Variants in PRSS35 observed in about 807,000 individuals in gnomAD.
The protein encoded by PRSS35 is serine protease 35, also known as inactive serine protease 35.
In PRSS35, 7 loss-of-function variants were observed where a neutral mutation model predicts 8.1. The ratio of observed to expected loss-of-function variants is 0.86; its 90% CI spans 0.49 to 1.62. The LOEUF (loss-of-function observed/expected upper bound fraction) is 1.62, where lower values mean the gene tolerates loss of function less well. Among genes scored for constraint, PRSS35 ranks in the 40% most tolerant of loss-of-function variants. PRSS35 has a pLI of 0.00. For missense variants in PRSS35, 566 were observed against 518.0 expected (o/e 1.09, Z -0.90); for synonymous variants, 199 against 188.7 (o/e 1.05, Z -0.45).
intron 1 of PRSS35, among the ~76,000 whole-genome samples, chr6:83,512,988 A>G (rs1289886143): frequency 6.6e-6 from 1 of 152,194 alleles, no homozygotes; most frequent in African/African-American, 2.4e-5. Flanking sequence ...TTGTTAACAG[A>G]TGCCATTGAG....
In PRSS35 at chr6:83,517,964, A is replaced by G. The variant is rs557975476; in HGVS notation, c.-21+5270A>G. Among the ~76,000 whole-genome samples, 36 of 152,340 alleles carry G rather than the reference A, an allele frequency of 2.4e-4. No homozygotes were observed. The South Asian group carries it at 7.5e-3, about 32-fold the overall frequency. On this transcript the variant is annotated intron_variant, in intron 1 of 1. Transcript: ENST00000369700. ...AAGTTGTGTCCCATGGCAACATGCT[A>G]TGTACATAAATATGGACAAGTACCT... is the stretch of plus-strand genomic sequence containing the variant.
Position 83,523,502 on chromosome 6 carries a change from T to A in PRSS35, c.61T>A (p.Ser21Thr), listed in dbSNP as rs766481718. 2 of 1,614,178 alleles carry A rather than the reference T, an allele frequency of 1.2e-6. No homozygotes were observed. Among genetic ancestry groups the A allele is most frequent in the South Asian group, 2.2e-5 (2 of 91,080 alleles). The change falls in exon 2 of 2, where the codon TCT (serine) becomes ACT (threonine). Residue 21 changes from serine to threonine, a missense_variant. By Grantham distance (58) the Ser-to-Thr change is moderately conservative (BLOSUM62 1). Transcript: ENST00000369700. ...FTPGWTLIDGSEMEWDFMWHL... is the reference protein window; with the variant it reads ...FTPGWTLIDGTEMEWDFMWHL... ...CCCTGGGTGGACCCTCATTGATGGATCTGAAATGGAATGGGATTTTATGTG... is the reference window on the plus strand; with the variant it reads ...CCCTGGGTGGACCCTCATTGATGGAACTGAAATGGAATGGGATTTTATGTG...
chr6:83,519,358 A>G (rs1771777949), intron 1 of PRSS35, among the ~76,000 whole-genome samples: 1 of 152,344 alleles, frequency 6.6e-6, no homozygotes, highest in Admixed American at 6.5e-5. Flanking sequence ...TGAAGCCCCA[A>G]ATGCAAGCCA....
intron 1 of PRSS35, among the ~76,000 whole-genome samples, chr6:83,513,659 T>G (rs1320173406): frequency 6.6e-6 from 1 of 152,240 alleles, no homozygotes; most frequent in Admixed American, 6.5e-5. Context: ...AATTTTATTT[T>G]TATTAGGAAA....
chr6:83,521,441 A>T (rs1432147279), intron 1 of PRSS35, among the ~76,000 whole-genome samples: 3 of 151,910 alleles, frequency 2.0e-5, no homozygotes, highest in Admixed American at 6.6e-5. Context: ...GACTATTAGA[A>T]AATATTGTGA....
At chr6:83,516,527 G>A (rs939400246) in intron 1 of PRSS35, among the ~76,000 whole-genome samples, 1 of 138,300 alleles carries the variant, frequency 7.2e-6, no homozygotes, top group Non-Finnish European at 1.5e-5. Context: ...AGTGAGCCGA[G>A]ATCACGCCAT....
Position 83,524,040 on chromosome 6 carries a change from G to T in PRSS35, c.599G>T (p.Arg200Leu), listed in dbSNP as rs772000403. 1 of 1,614,146 alleles carries T rather than the reference G, an allele frequency of 6.2e-7. No individual in the cohort carries two copies. The highest frequency in any genetic ancestry group is 8.5e-7 in the Non-Finnish European group (1 of 1,180,024). ...KMRNKSGGKK[R>L]RGSKRSRREA... ...AGGAATAAAAGTGGAGGCAAGAAAC[G>T]TCGAGGTTCTAAGAGGAGCAGGAGA... is the stretch of plus-strand genomic sequence containing the variant. Residue 200 changes from arginine (R) to leucine (L), a missense_variant, in exon 2 of 2, where the codon CGT becomes CTT. Coordinates refer to ENST00000369700, the MANE Select transcript of PRSS35 (RefSeq NM_153362.3).
intron 1 of PRSS35, among the ~76,000 whole-genome samples, chr6:83,522,788 G>T (rs1483835093): frequency 1.3e-5 from 2 of 151,834 alleles, no homozygotes; most frequent in Admixed American, 6.6e-5. Context: ...ATCAATAGAA[G>T]ATTAATTAGC....
At chr6:83,516,221 C>T (rs1398927576) in intron 1 of PRSS35, among the ~76,000 whole-genome samples, 3 of 152,084 alleles carry the variant, frequency 2.0e-5, no homozygotes, top group Admixed American at 6.5e-5. Context: ...AACAAATTAC[C>T]GAAAACTCAG....
intron 1 of PRSS35, among the ~76,000 whole-genome samples, chr6:83,517,440 C>T (rs1771744290): frequency 6.6e-6 from 1 of 152,218 alleles, no homozygotes; most frequent in Non-Finnish European, 1.5e-5. Context: ...TACCCCCTCT[C>T]CTCAGCATCT....
chr6:83,520,581 C>T (rs1319207916), intron 1 of PRSS35, among the ~76,000 whole-genome samples: 1 of 152,124 alleles, frequency 6.6e-6, no homozygotes, highest in African/African-American at 2.4e-5. Context: ...AACGTGAACA[C>T]AGAGAAGGAA....
intron 1 of PRSS35, among the ~76,000 whole-genome samples, chr6:83,519,195 C>T (rs935480653): frequency 2.0e-5 from 3 of 152,178 alleles, no homozygotes; most frequent in Admixed American, 2.0e-4. Context: ...AGTAAGAGTT[C>T]ATCTACATAC....
chr6:83,523,355 G>A lies in PRSS35; in HGVS notation c.-20-67G>A, dbSNP rs1771857105. 5 of 1,240,306 alleles carry A rather than the reference G, an allele frequency of 4.0e-6. No individual in the cohort carries two copies. The Admixed American group carries it at 1.1e-4, about 28-fold the overall frequency. The allele number at this position is 1,240,306 out of a possible 1,614,324, so 76.8% of individuals were successfully genotyped here. On this transcript the variant is annotated intron_variant, in intron 1 of 1. Transcript: ENST00000369700. The stretch of plus-strand genomic sequence containing the variant: ...AAGGTACATTTAGGATCCAAGGGCT[G>A]AATGAAATGGATAAGTAAGATTTAA...
intron 1 of PRSS35, among the ~76,000 whole-genome samples, chr6:83,518,563 TC>T (rs149095266): frequency 0.014 from 2,102 of 152,298 alleles, 45 homozygotes; most frequent in African/African-American, 0.048. Context: ...AGGAAAGCAT[TC>T]ATTTGGGAAG....
chr6:83,514,857 C>T (rs1012229291), intron 1 of PRSS35, among the ~76,000 whole-genome samples: 1 of 152,146 alleles, frequency 6.6e-6, no homozygotes, highest in Non-Finnish European at 1.5e-5. Context: ...GCTCTGTGGC[C>T]TGTAGGTAGG....
At chr6:83,515,913 C>T (rs1271689949) in intron 1 of PRSS35, among the ~76,000 whole-genome samples, 1 of 152,080 alleles carries the variant, frequency 6.6e-6, no homozygotes, top group East Asian at 1.9e-4. Context: ...CCTCCCGGTT[C>T]AGGGGATTCT....
chr6:83,516,575 CA>C (rs70987760), intron 1 of PRSS35, among the ~76,000 whole-genome samples: 40,154 of 101,726 alleles, frequency 0.39, 5,771 homozygotes, highest in South Asian at 0.5. Flanking sequence ...GACTGCGTCT[CA>C]AAAAAAAAAA....
In PRSS35 at chr6:83,515,449, T is replaced by C. The variant is rs573240083; in HGVS notation, c.-21+2755T>C. 3.4e-4 allele frequency among the ~76,000 whole-genome samples: 52 copies of C among 152,326 alleles called. 2 individuals carry two copies. In the South Asian group the frequency reaches 1.0e-2, roughly 29 times the overall value. ...GTATATTATTTCTTAAAATAACACA[T>C]TTTCATTTATATTTTAAGTCCCAGA... On this transcript the variant is annotated intron_variant, in intron 1 of 1. Transcript: ENST00000369700.
At position 83,524,715 on chromosome 6, in the gene PRSS35, A is replaced by G; in HGVS notation, c.*32A>G. The G allele has an allele frequency of 3.8e-6, 6 of 1,559,804 alleles. No individual in the cohort carries two copies. The Admixed American group carries it at 7.6e-5, about 20-fold the overall frequency. On this transcript the variant is annotated 3_prime_UTR_variant, in exon 2 of 2. Transcript: ENST00000369700. ...CCTGAAACAGGGCGGTGTATCATCT[A>G]AATCACAGAGAAAACCAGCTCTGCT...
Sources: allele counts gnomAD v4.1 joint callset (sites outside exome capture counted in the v4.1 genomes callset), GRCh38; gene constraint gnomAD v4.1.1; transcripts MANE v1.5; gene names NCBI Gene and HGNC (gene_info 2026-07-23, HGNC 2026-07-21).